Variants in NRG1 observed in about 807,000 individuals in gnomAD.
NRG1 encodes pro-neuregulin-1, membrane-bound isoform.
NRG1 carries 18 observed loss-of-function variants against 63.8 expected under a neutral mutation model. That is an observed-to-expected ratio of 0.28 (90% CI 0.19 to 0.42). The LOEUF is 0.42. NRG1 is among the 10% of genes least tolerant of loss of function. The pLI is 1.00. For missense variants in NRG1, 762 were observed against 814.7 expected, an observed-to-expected ratio of 0.94 and a Z score of 0.79; for synonymous variants, 302 against 301.3, an observed-to-expected ratio of 1.00 and a Z score of -0.02.
chr8:31,678,336 C>T (rs1192559523), intron 1 of NRG1, among the ~76,000 whole-genome samples: 5 of 152,064 alleles, frequency 3.3e-5, no homozygotes, highest in Non-Finnish European at 1.5e-5. Context: ...CTGAGATGTC[C>T]TGCATAGACA....
In NRG1 at chr8:31,978,049, C is replaced by T. The variant is rs185278150; in HGVS notation, c.37+338618C>T. Among the ~76,000 whole-genome samples the T allele has an allele frequency of 2.0e-5, 3 of 152,176 alleles. No homozygotes were observed. The East Asian group carries it at 5.8e-4, about 29-fold the overall frequency. ...GTAACAGGATTGTTGAATATATCAA[C>T]ACAAAAGATCACTAGCAAATGGATT... On this transcript the variant is annotated intron_variant, in intron 1 of 10. Coordinates refer to the NRG1 transcript ENST00000519301.
chr8:32,422,209 ATTTC>A lies in NRG1; in HGVS notation c.38-173614_38-173611del, dbSNP rs201277513. ...GGGAAAAAAGTAAAGCATCATCCCA[ATTTC>A]TTTCACCCTGAAGCAGCTAGTTTTG... is the stretch of plus-strand genomic sequence containing the variant. On this transcript the variant is annotated intron_variant, in intron 1 of 10. Transcript: ENST00000519301. Among the ~76,000 whole-genome samples the A allele has an allele frequency of 6.9e-3, 1,052 of 152,254 alleles. 13 individuals are homozygous for A. The highest frequency in any genetic ancestry group is 0.023 in the African/African-American group (968 of 41,548).
chr8:32,410,936 C>T (rs997447609), intron 1 of NRG1, among the ~76,000 whole-genome samples: 11 of 149,546 alleles, frequency 7.4e-5, no homozygotes, highest in Admixed American at 6.0e-4. Context: ...AGTGCAGTGG[C>T]GCAATCTCGG....
downstream of NRG1, among the ~76,000 whole-genome samples, chr8:32,770,263 C>T (rs1831694578): frequency 6.6e-6 from 1 of 152,066 alleles, no homozygotes; most frequent in Non-Finnish European, 1.5e-5. Context: ...TGGCTTAAAA[C>T]ATCCTTTATC....
At chr8:32,014,167 G>T (rs977836089) in intron 1 of NRG1, among the ~76,000 whole-genome samples, 2 of 152,082 alleles carry the variant, frequency 1.3e-5, no homozygotes, top group Non-Finnish European at 1.5e-5. Flanking sequence ...TCATGATATT[G>T]ACTCTTCCTA....
intron 1 of NRG1, among the ~76,000 whole-genome samples, chr8:32,451,006 AAAAACAAAAC>A (rs1034672685): frequency 3.3e-5 from 5 of 152,200 alleles, no homozygotes; most frequent in East Asian, 1.9e-4. Flanking sequence ...TGGAGGACTG[AAAAACAAAAC>A]AAAACAAAAC....
chr8:31,711,737 A>G (rs1385369712), intron 1 of NRG1, among the ~76,000 whole-genome samples: 2 of 152,174 alleles, frequency 1.3e-5, no homozygotes, highest in Non-Finnish European at 2.9e-5. Context: ...TATTTCTTAC[A>G]GTTCTGGAGG....
At chr8:32,404,172 C>A (rs1433402626) in intron 1 of NRG1, among the ~76,000 whole-genome samples, 1 of 152,162 alleles carries the variant, frequency 6.6e-6, no homozygotes, top group Non-Finnish European at 1.5e-5. Flanking sequence ...TTTGCACCTG[C>A]AGGTGCTTGA....
chr8:31,641,100 G>T (rs1803728327), intron 1 of NRG1, among the ~76,000 whole-genome samples: 1 of 152,174 alleles, frequency 6.6e-6, no homozygotes, highest in Non-Finnish European at 1.5e-5. Context: ...GAAGGAGGAA[G>T]GGTGAGTCCC....
chr8:31,859,839 G>A (rs1274547359), intron 1 of NRG1, among the ~76,000 whole-genome samples: 1 of 152,188 alleles, frequency 6.6e-6, no homozygotes, highest in East Asian at 1.9e-4. Flanking sequence ...ATGGAACCTG[G>A]AAAATCGAAC....
rs77934606 is a variant in NRG1, at chr8:31,827,923, G to A, written c.37+188492G>A. On this transcript the variant is annotated intron_variant, in intron 1 of 10. Transcript: ENST00000519301. ...TCATAGGATCTAGCCAGGAAAATTAGTCTTACCTCAGGGTTTAAAGAAATG... is the reference window on the plus strand; with the variant it reads ...TCATAGGATCTAGCCAGGAAAATTAATCTTACCTCAGGGTTTAAAGAAATG... Among the ~76,000 whole-genome samples the A allele has an allele frequency of 2.3e-3, 348 of 152,314 alleles. 1 individual carries two copies. Among genetic ancestry groups the A allele is most frequent in the African/African-American group, 8.1e-3 (337 of 41,574 alleles).
In NRG1 at chr8:31,923,104, G is replaced by C. The variant is rs376411439; in HGVS notation, c.37+283673G>C. Among the ~76,000 whole-genome samples, 3 of 152,210 alleles carry C rather than the reference G, an allele frequency of 2.0e-5. No individual in the cohort carries two copies. In the East Asian group the frequency reaches 5.8e-4, roughly 29 times the overall value. On this transcript the variant is annotated intron_variant, in intron 1 of 10. Coordinates refer to the NRG1 transcript ENST00000519301. ...TCCAGATCTCAGGTTTTATTTCACC[G>C]TTAAGTATGATGTTTTAGTCTCTCT...
rs189030431 is a variant in NRG1 at position 32,762,490 on chromosome 8, G to C, written c.1260-1258G>C. On this transcript the variant is annotated intron_variant, in intron 11 of 11. Transcript: ENST00000356819. ...GCATTTCTCAGAGAGCTTAATTTAA[G>C]TACCCCCAAAGCCAAAAGTTTGAAG... 2.8e-4 allele frequency among the ~76,000 whole-genome samples: 42 copies of C among 152,210 alleles called. 1 individual carries two copies. In the East Asian group the frequency reaches 3.9e-3, roughly 14 times the overall value.
At chr8:32,387,413 A>T (rs1811157223) in intron 1 of NRG1, among the ~76,000 whole-genome samples, 1 of 152,208 alleles carries the variant, frequency 6.6e-6, no homozygotes, top group Non-Finnish European at 1.5e-5. Flanking sequence ...CCCACAAAAA[A>T]GATGAAGTCT....
intron 1 of NRG1, among the ~76,000 whole-genome samples, chr8:32,583,529 A>G (rs1455788566): frequency 6.6e-6 from 1 of 152,204 alleles, no homozygotes; most frequent in Non-Finnish European, 1.5e-5. Context: ...AGTAAAAACA[A>G]ACAAAACAAA....
chr8:31,988,926 T>C (rs1810547718), intron 1 of NRG1, among the ~76,000 whole-genome samples: 1 of 151,976 alleles, frequency 6.6e-6, no homozygotes, highest in Admixed American at 6.6e-5. Context: ...CTCTTTTTGT[T>C]GACGATGACT....
chr8:31,885,613 A>G (rs574254534), intron 1 of NRG1, among the ~76,000 whole-genome samples: 2 of 152,238 alleles, frequency 1.3e-5, no homozygotes, highest in Admixed American at 1.3e-4. Flanking sequence ...ATTGGTAAGT[A>G]TAGAGGTGCC....
At chr8:32,671,837 T>C (rs536699588) in intron 5 of NRG1, among the ~76,000 whole-genome samples, 1 of 152,278 alleles carries the variant, frequency 6.6e-6, no homozygotes, top group South Asian at 2.1e-4. Context: ...TAATGTGACA[T>C]AAACATATTT....
intron 1 of NRG1, among the ~76,000 whole-genome samples, chr8:32,503,242 G>A (rs1301396582): frequency 2.2e-5 from 3 of 134,564 alleles, no homozygotes; most frequent in African/African-American, 8.3e-5. Flanking sequence ...AGCCGAGATG[G>A]TGCCACTGCA....
Sources: gnomAD v4.1 joint callset for allele counts (sites outside exome capture counted in the v4.1 genomes callset) on GRCh38, gnomAD v4.1.1 for gene constraint, MANE v1.5 for transcripts, NCBI Gene and HGNC (gene_info 2026-07-23, HGNC 2026-07-21) for gene names.